ATP13A3: variants seen among roughly 807,000 people sequenced by gnomAD.
The protein encoded by ATP13A3 is polyamine-transporting ATPase 13A3.
In ATP13A3, 59 loss-of-function variants were observed where a neutral mutation model predicts 158.1. That is an observed-to-expected ratio of 0.37 (90% CI 0.30 to 0.46). The LOEUF (loss-of-function observed/expected upper bound fraction) is 0.46. ATP13A3 is among the 20% of genes least tolerant of loss of function. ATP13A3 has a pLI of 1.00. For synonymous variants in ATP13A3, 491 were observed against 504.3 expected (o/e 0.97, Z 0.35); for missense variants, 1,166 against 1,525.2 (o/e 0.76, Z 3.92).
intron 2 of ATP13A3, among the ~76,000 whole-genome samples, chr3:194,484,622 T>C (rs1293670065): frequency 6.6e-6 from 1 of 152,244 alleles, no homozygotes; most frequent in East Asian, 1.9e-4. Context: ...ATAAGAACTT[T>C]ATACTTGTGA....
intron 20 of ATP13A3, among the ~76,000 whole-genome samples, chr3:194,434,802 C>T (rs1717502256): frequency 6.6e-6 from 1 of 152,124 alleles, no homozygotes; most frequent in African/African-American, 2.4e-5. Flanking sequence ...TGCCTGCAGT[C>T]CCACTACTTG....
chr3:194,421,139 A>G (rs374385857), intron 30 of ATP13A3, among the ~76,000 whole-genome samples: 6 of 38,098 alleles, frequency 1.6e-4, no homozygotes, highest in East Asian at 7.4e-4. Context: ...TATATATAGT[A>G]TATATATATA....
chr3:194,475,380 A>C (rs1353137101), intron 2 of ATP13A3, among the ~76,000 whole-genome samples: 4 of 152,228 alleles, frequency 2.6e-5, no homozygotes, highest in African/African-American at 4.8e-5. Context: ...AACCACAAAG[A>C]AGCACAAAAT....
chr3:194,417,958 C>CGGAA lies in ATP13A3; in HGVS notation c.3402+1917_3402+1920dup, dbSNP rs1198337838. Among the ~76,000 whole-genome samples the CGGAA allele has an allele frequency of 0.036, 2,732 of 76,808 alleles. 320 individuals carry two copies. In the East Asian group the frequency reaches 0.53, roughly 15 times the overall value. The allele number at this position is 76,808 out of a possible 152,430, so 50.4% of individuals were successfully genotyped here. The stretch of plus-strand genomic sequence containing the variant: ...CGTGGGTGACAGACAGACGGACGGA[C>CGGAA]GGAAGGAAGGAAGGAAGGAAGGAAG... On this transcript the variant is annotated intron_variant, in intron 31 of 33. Coordinates refer to ENST00000645319, the MANE Select transcript of ATP13A3 (RefSeq NM_001367549.1).
intron 2 of ATP13A3, among the ~76,000 whole-genome samples, chr3:194,479,089 A>C (rs531547377): frequency 6.6e-5 from 10 of 152,272 alleles, no homozygotes; most frequent in Admixed American, 1.3e-4. Flanking sequence ...AGAGATTAGA[A>C]AGGATTGGGG....
chr3:194,443,154 T>A (rs1212243442), intron 15 of ATP13A3, among the ~76,000 whole-genome samples: 1 of 151,786 alleles, frequency 6.6e-6, no homozygotes, highest in Non-Finnish European at 1.5e-5. Flanking sequence ...AATCTAAGCA[T>A]GCAGACTGTA....
At position 194,460,661 on chromosome 3, in the gene ATP13A3, A is replaced by G; in HGVS notation, c.222T>C (p.Thr74=). 1 of 1,613,728 alleles carries G rather than the reference A, an allele frequency of 6.2e-7. No homozygotes were observed. The highest frequency in any genetic ancestry group is 8.5e-7 in the Non-Finnish European group (1 of 1,179,830). ...ACAAGTAAACACATAAACTTACAGT[A>G]GTCCTCAGCAGCACTACTTCACAGT... is the stretch of plus-strand genomic sequence containing the variant. ...IKDCEVVLLR[T]TDEFKMWFCA... is the part of the protein sequence containing the mutation. Residue 74 remains threonine (T), a synonymous_variant, in exon 4 of 34, where the codon ACT becomes ACC. Transcript: ENST00000645319.
chr3:194,415,498 G>T (rs1483543786), intron 31 of ATP13A3, among the ~76,000 whole-genome samples: 1 of 152,104 alleles, frequency 6.6e-6, no homozygotes, highest in African/African-American at 2.4e-5. Flanking sequence ...TATACTGCTG[G>T]TAAGACTACA....
At chr3:194,441,222 A>C (rs1046074248) in intron 16 of ATP13A3, 89 bp downstream of exon 16, 17 of 1,126,840 alleles carry the variant, frequency 1.5e-5, no homozygotes, top group Non-Finnish European at 2.0e-5. Flanking sequence ...TCATTAAAAC[A>C]AAAAGCAGAA....
At chr3:194,431,332 T>C in intron 22 of ATP13A3, 106 bp from the exon 23 acceptor site, 1 of 1,274,524 alleles carries the variant, frequency 7.8e-7, no homozygotes. Flanking sequence ...ATTTGATATG[T>C]TCCACAACAT....
At chr3:194,479,627 C>A (rs1192206350) in intron 2 of ATP13A3, among the ~76,000 whole-genome samples, 2 of 151,250 alleles carry the variant, frequency 1.3e-5, no homozygotes, top group African/African-American at 4.9e-5. Flanking sequence ...CTATAAGGAA[C>A]CAGTGACTAG....
chr3:194,454,643 C>G (rs534509790), intron 8 of ATP13A3, among the ~76,000 whole-genome samples: 2 of 151,766 alleles, frequency 1.3e-5, no homozygotes, highest in Non-Finnish European at 2.9e-5. Flanking sequence ...CTGGCTAACA[C>G]GGTGAAACCC....
At chr3:194,435,911 GA>G (rs1401021829) in intron 20 of ATP13A3, among the ~76,000 whole-genome samples, 2 of 150,230 alleles carry the variant, frequency 1.3e-5, no homozygotes, top group African/African-American at 4.9e-5. Flanking sequence ...CGTCTCAAAA[GA>G]AAAAAAAAGA....
chr3:194,469,880 T>C (rs1024790109), intron 2 of ATP13A3, among the ~76,000 whole-genome samples: 4 of 152,202 alleles, frequency 2.6e-5, no homozygotes, highest in Non-Finnish European at 5.9e-5. Context: ...TGAAATAAAA[T>C]ATGCCCCAAT....
chr3:194,457,273 T>C lies in ATP13A3; in HGVS notation c.480-99A>G. The C allele has an allele frequency of 3.6e-6, 3 of 824,410 alleles. No individual in the cohort carries two copies. The South Asian group carries it at 5.0e-5, about 14-fold the overall frequency. 51.1% of individuals were successfully genotyped at this position (824,410 alleles called of 1,614,324 possible). ...ATGCCTGATTTTATAAAGGTGTGAC[T>C]TCCTTACAAATCCTTAGAAACCCTT... is the stretch of plus-strand genomic sequence containing the variant. On this transcript the variant is annotated intron_variant, in intron 6 of 33. Transcript: ENST00000645319.
chr3:194,412,408 T>C (rs1715511048), intron 32 of ATP13A3, 120 bp from the exon 33 acceptor site: 3 of 751,248 alleles, frequency 4.0e-6, no homozygotes, highest in Non-Finnish European at 6.6e-6. Context: ...TTGATTTTCA[T>C]ATATGGAATT....
upstream of ATP13A3, chr3:194,487,030 G>C (rs1721026713): frequency 6.6e-6 from 1 of 151,156 alleles, no homozygotes; most frequent in Admixed American, 6.6e-5. Context: ...GTCACGTGGT[G>C]GCTTCATCCC....
chr3:194,439,727 T>G (rs1717911537), intron 16 of ATP13A3, among the ~76,000 whole-genome samples: 1 of 152,228 alleles, frequency 6.6e-6, no homozygotes, highest in African/African-American at 2.4e-5. Flanking sequence ...CAGTTGTGAC[T>G]GGCTATGTGA....
Position 194,448,136 on chromosome 3 carries a change from G to A in ATP13A3, c.1151-127C>T. On this transcript the variant is annotated intron_variant, in intron 12 of 33. Coordinates refer to ENST00000645319, the MANE Select transcript of ATP13A3 (RefSeq NM_001367549.1). The surrounding 1 kb of genome is among the most constrained non-coding windows in gnomAD (Gnocchi z 4.0). ...TCTGTCACCCAGGCTGGAGTACAGT[G>A]GTGTGATCTCGACTCACTGCAAGCT... The A allele has an allele frequency of 1.1e-6, 1 of 937,550 alleles. No individual in the cohort carries two copies. The highest frequency in any genetic ancestry group is 1.6e-6 in the Non-Finnish European group (1 of 619,074). 58.1% of individuals were successfully genotyped at this position (937,550 alleles called of 1,614,324 possible).
Sources: allele counts gnomAD v4.1 joint callset (sites outside exome capture counted in the v4.1 genomes callset), GRCh38; gene constraint gnomAD v4.1.1; non-coding constraint Gnocchi (gnomAD v3.1); transcripts MANE v1.5; gene names NCBI Gene and HGNC (gene_info 2026-07-23, HGNC 2026-07-21).